The following XYLT1 variants were observed in gnomAD, a reference collection of about 807,000 sequenced individuals.
The protein encoded by XYLT1 is beta-D-xylosyltransferase 1.
XYLT1 carries 36 observed loss-of-function variants against 91.3 expected under a neutral mutation model. The ratio of observed to expected loss-of-function variants is 0.39; its 90% CI spans 0.30 to 0.52. The LOEUF (loss-of-function observed/expected upper bound fraction) is 0.52. Among genes scored for constraint, XYLT1 ranks in the 20% least tolerant of loss-of-function variants. XYLT1 has a pLI of 0.68. For synonymous variants in XYLT1, 588 were observed against 532.0 expected (o/e 1.11, Z -1.45); for missense variants, 1,242 against 1,284.5 (o/e 0.97, Z 0.51).
chr16:17,296,879 G>A (rs1202974268), intron 2 of XYLT1, among the ~76,000 whole-genome samples: 1 of 152,206 alleles, frequency 6.6e-6, no homozygotes, highest in Non-Finnish European at 1.5e-5. Flanking sequence ...CTTCCTGGCT[G>A]TGTTACAGTC....
intron 2 of XYLT1, among the ~76,000 whole-genome samples, chr16:17,261,474 C>G (rs2033721366): frequency 6.6e-6 from 1 of 152,102 alleles, no homozygotes; most frequent in Non-Finnish European, 1.5e-5. Context: ...GGAATTCAAA[C>G]CAGGCAGATC....
At chr16:17,273,038 G>C (rs2033919826) in intron 2 of XYLT1, among the ~76,000 whole-genome samples, 1 of 152,178 alleles carries the variant, frequency 6.6e-6, no homozygotes, top group African/African-American at 2.4e-5. Context: ...CTCGTGGCTG[G>C]ACAATGAAGA....
chr16:17,243,091 CTCTT>C (rs1189530631), intron 3 of XYLT1, among the ~76,000 whole-genome samples: 3 of 152,198 alleles, frequency 2.0e-5, no homozygotes, highest in Non-Finnish European at 2.9e-5. Context: ...GTACAAATGT[CTCTT>C]TAAGACTCTG....
chr16:17,336,701 C>G (rs993137164), intron 2 of XYLT1, among the ~76,000 whole-genome samples: 1 of 152,200 alleles, frequency 6.6e-6, no homozygotes, highest in East Asian at 1.9e-4. Context: ...CCGTCCGAAT[C>G]CCACAGGGAA....
chr16:17,171,579 G>T (rs768277494), intron 5 of XYLT1, among the ~76,000 whole-genome samples: 3 of 152,232 alleles, frequency 2.0e-5, no homozygotes, highest in Non-Finnish European at 4.4e-5. Flanking sequence ...ATTTCAAAAG[G>T]ATTTTTAAAC....
chr16:17,460,116 T>G (rs1049222215), intron 1 of XYLT1, among the ~76,000 whole-genome samples: 1 of 152,122 alleles, frequency 6.6e-6, no homozygotes, highest in Non-Finnish European at 1.5e-5. Flanking sequence ...GACACAGAGA[T>G]GAAAGTCACG....
intron 1 of XYLT1, among the ~76,000 whole-genome samples, chr16:17,369,130 CTTTT>C (rs36042244): frequency 8.0e-6 from 1 of 124,886 alleles, no homozygotes; most frequent in Admixed American, 8.4e-5. Flanking sequence ...AAAAATACTT[CTTTT>C]TTTTTTTTTT....
At chr16:17,246,203 G>A (rs956546887) in intron 3 of XYLT1, among the ~76,000 whole-genome samples, 1 of 152,220 alleles carries the variant, frequency 6.6e-6, no homozygotes, top group African/African-American at 2.4e-5. Context: ...TGAATACAAA[G>A]TTGTTATGAG....
chr16:17,288,614 CT>C (rs959793353), intron 2 of XYLT1, among the ~76,000 whole-genome samples: 2 of 152,190 alleles, frequency 1.3e-5, no homozygotes, highest in Non-Finnish European at 2.9e-5. Context: ...ATGCGACCTG[CT>C]TTGGCCAAAA....
chr16:17,243,912 C>T (rs1047600117), intron 3 of XYLT1, among the ~76,000 whole-genome samples: 4 of 152,148 alleles, frequency 2.6e-5, no homozygotes, highest in Non-Finnish European at 5.9e-5. Flanking sequence ...CCAGGTCTCC[C>T]ACCATGCTTG....
chr16:17,360,035 A>T (rs551715784), intron 1 of XYLT1, among the ~76,000 whole-genome samples: 2 of 152,310 alleles, frequency 1.3e-5, no homozygotes, highest in East Asian at 3.9e-4. Context: ...TGTTCAGGTC[A>T]GAGTAGTCTG....
Position 17,292,176 on chromosome 16 carries a change from T to A in XYLT1, c.403-32678A>T, listed in dbSNP as rs564695046. On this transcript the variant is annotated intron_variant, in intron 2 of 11. Transcript: ENST00000261381. ...AAGGTTCTAAATATTATATATATTA[T>A]ATATACATGATGGGAAATTCAATTT... 2.6e-5 allele frequency among the ~76,000 whole-genome samples: 4 copies of A among 152,186 alleles called. No homozygotes were observed. In the East Asian group the frequency reaches 7.7e-4, roughly 29 times the overall value.
At chr16:17,305,663 C>T (rs1481873247) in intron 2 of XYLT1, among the ~76,000 whole-genome samples, 1 of 152,082 alleles carries the variant, frequency 6.6e-6, no homozygotes, top group Non-Finnish European at 1.5e-5. Context: ...ATCCCTCCAC[C>T]ACCGCCTCCC....
chr16:17,419,181 T>C (rs1419039886), intron 1 of XYLT1, among the ~76,000 whole-genome samples: 1 of 151,320 alleles, frequency 6.6e-6, no homozygotes, highest in Non-Finnish European at 1.5e-5. Flanking sequence ...GGAATGACCT[T>C]GGCTAGTTCG....
chr16:17,280,275 A>C (rs1038406614), intron 2 of XYLT1, among the ~76,000 whole-genome samples: 1 of 152,178 alleles, frequency 6.6e-6, no homozygotes, highest in Non-Finnish European at 1.5e-5. Context: ...GCTTGAACCC[A>C]GGAGGAAGAG....
In XYLT1 at chr16:17,276,713, C is replaced by T. The variant is rs566216069; in HGVS notation, c.403-17215G>A. 4.6e-5 allele frequency among the ~76,000 whole-genome samples: 7 copies of T among 152,268 alleles called. No homozygotes were observed. The South Asian group carries it at 1.5e-3, about 32-fold the overall frequency. On this transcript the variant is annotated intron_variant, in intron 2 of 11. Transcript: ENST00000261381. The stretch of plus-strand genomic sequence containing the variant: ...TGGTGATCATGATATGCTACCAGGA[C>T]ACGATGGGCACCGTCCGATGAAGTT...
At chr16:17,205,942 C>G (rs1286971315) in intron 3 of XYLT1, among the ~76,000 whole-genome samples, 2 of 152,108 alleles carry the variant, frequency 1.3e-5, no homozygotes, top group East Asian at 3.9e-4. Flanking sequence ...CTTGGGAACA[C>G]AGAGACATGG....
In XYLT1 at chr16:17,321,342, CTTTTTTTTTTTTTT is replaced by C. The variant is rs10606202; in HGVS notation, c.402+36656_402+36669del. 5.5e-3 allele frequency among the ~76,000 whole-genome samples: 239 copies of C among 43,630 alleles called. 1 individual carries two copies. The highest frequency in any genetic ancestry group is 0.012 in the African/African-American group (144 of 12,130). 28.6% of individuals were successfully genotyped at this position (43,630 alleles called of 152,430 possible). A position where few individuals can be genotyped will look rare whatever the true frequency, so the allele number is the denominator to read the frequency against. On this transcript the variant is annotated intron_variant, in intron 2 of 11. Coordinates refer to ENST00000261381, the MANE Select transcript of XYLT1 (RefSeq NM_022166.4). ...GACAGTTCCCAAAGTACTAACTAGC[CTTTTTTTTTTTTTT>C]TTTTTTTTTTTTTTTTTTTTTGAGG...
At chr16:17,410,192 A>G (rs1038443238) in intron 1 of XYLT1, among the ~76,000 whole-genome samples, 1 of 152,222 alleles carries the variant, frequency 6.6e-6, no homozygotes, top group Non-Finnish European at 1.5e-5. Flanking sequence ...AGGAAATCCA[A>G]AAGTATTGAT....
Sources: allele counts gnomAD v4.1 joint callset (sites outside exome capture counted in the v4.1 genomes callset), GRCh38; gene constraint gnomAD v4.1.1; transcripts MANE v1.5; gene names NCBI Gene and HGNC (gene_info 2026-07-23, HGNC 2026-07-21).